The following ZC3H12B variants were observed in gnomAD, a reference collection of about 807,000 sequenced individuals.
ZC3H12B encodes the protein probable ribonuclease ZC3H12B.
Under a neutral mutation model 43.9 loss-of-function variants are expected in ZC3H12B, and 7 were observed. That is an observed-to-expected ratio of 0.16 (90% CI 0.09 to 0.30). The LOEUF (loss-of-function observed/expected upper bound fraction) is 0.30. Among genes scored for constraint, ZC3H12B ranks in the 10% least tolerant of loss-of-function variants. The pLI is 1.00. For synonymous variants in ZC3H12B, 222 were observed against 241.7 expected, an observed-to-expected ratio of 0.92 and a Z score of 0.76; for missense variants, 475 against 670.2, an observed-to-expected ratio of 0.71 and a Z score of 3.22.
At chrX:65,338,445 T>C in the ZC3H12B span, among the ~76,000 whole-genome samples, 15 of 110,131 alleles carry the variant, frequency 1.4e-4, no homozygotes, top group Non-Finnish European at 2.3e-4. Flanking sequence ...CAAAGAAGAG[T>C]TGGTACCAAT....
At chrX:65,199,252 A>G in the ZC3H12B span, among the ~76,000 whole-genome samples, 2 of 107,119 alleles carry the variant, frequency 1.9e-5, no homozygotes, top group Admixed American at 2.1e-4. Context: ...CTTCTGCTTG[A>G]TCAGTTCTGC....
At chrX:65,391,241 C>G (rs951505490) in intron 2 of ZC3H12B, among the ~76,000 whole-genome samples, 1 of 111,984 alleles carries the variant, frequency 8.9e-6, no homozygotes, top group African/African-American at 3.2e-5. Flanking sequence ...TCTATTTATA[C>G]CTTATTTCCC....
chrX:65,287,062 G>T, the ZC3H12B span, among the ~76,000 whole-genome samples: 10 of 110,942 alleles, frequency 9.0e-5, no homozygotes, highest in Non-Finnish European at 1.5e-4. Flanking sequence ...GATCTAGAGA[G>T]ATTAACTGCA....
At chrX:65,088,304 A>G in the ZC3H12B span, among the ~76,000 whole-genome samples, 2 of 111,332 alleles carry the variant, frequency 1.8e-5, no homozygotes, top group African/African-American at 6.5e-5. Context: ...GCTTTTGCAA[A>G]CTACGCAGAC....
At chrX:65,366,904 A>G (rs1265741884) in intron 1 of ZC3H12B, 138 bp downstream of exon 3, 1 of 112,685 alleles carries the variant, frequency 8.9e-6, no homozygotes, top group Non-Finnish European at 1.9e-5. Context: ...GCTACTATTC[A>G]GTGATGAGTA....
chrX:65,327,978 A>AT, the ZC3H12B span: 1 of 202,783 alleles, frequency 4.9e-6, no homozygotes, highest in Admixed American at 5.0e-5. Flanking sequence ...TAACTGAGTG[A>AT]TAGTGCCTCT....
At chrX:65,051,800 G>A in the ZC3H12B span, among the ~76,000 whole-genome samples, 4 of 110,257 alleles carry the variant, frequency 3.6e-5, no homozygotes, top group African/African-American at 1.3e-4. Context: ...ACTTTGGCAG[G>A]CAGGGGATAG....
intron 3 of ZC3H12B, among the ~76,000 whole-genome samples, chrX:65,448,750 G>A (rs764778251): frequency 3.7e-5 from 4 of 107,988 alleles, no homozygotes; most frequent in South Asian, 8.2e-4. Context: ...CCAGGAGGTG[G>A]AGGTTGCAGT....
At chrX:65,378,941 T>G (rs917960730) in intron 2 of ZC3H12B, among the ~76,000 whole-genome samples, 1 of 112,580 alleles carries the variant, frequency 8.9e-6, no homozygotes, top group Non-Finnish European at 1.9e-5. Context: ...ATCCCCCACA[T>G]GGTTCAGAGG....
At chrX:65,224,096 A>G in the ZC3H12B span, among the ~76,000 whole-genome samples, 6 of 112,825 alleles carry the variant, frequency 5.3e-5, no homozygotes, top group Non-Finnish European at 7.5e-5. Context: ...TGTGGTATTT[A>G]TATACAATGG....
At chrX:65,102,600 A>G in the ZC3H12B span, among the ~76,000 whole-genome samples, 1 of 112,066 alleles carries the variant, frequency 8.9e-6, no homozygotes, top group Non-Finnish European at 1.9e-5. Flanking sequence ...TAATAGACAA[A>G]CAGAGAGCTA....
chrX:65,502,236 T>G lies in ZC3H12B; in HGVS notation c.1538T>G (p.Met513Arg), dbSNP rs765125542. The change falls in exon 5 of 5, where the codon ATG (methionine) becomes AGG (arginine). Residue 513 changes from methionine (M) to arginine (R), a missense_variant. By Grantham distance (91) the Met-to-Arg change is moderately conservative (BLOSUM62 -1). This residue lies in a region of ZC3H12B where 289 missense variants were observed against 359.9 expected (regional missense o/e 0.80). Coordinates refer to ENST00000338957, the Ensembl canonical transcript of ZC3H12B. ...GCCTCTTTGGAGCATATGGCCAGCA[T>G]GCAGTATCCTCCCATCTTGGTTACC... is the stretch of plus-strand genomic sequence containing the variant. 17 of 1,211,619 alleles carry G rather than the reference T, an allele frequency of 1.4e-5. 1 individual carries two copies. The South Asian group carries it at 2.6e-4, about 19-fold the overall frequency.
At chrX:65,389,204 C>G (rs2066575479) in intron 2 of ZC3H12B, among the ~76,000 whole-genome samples, 1 of 112,270 alleles carries the variant, frequency 8.9e-6, no homozygotes, top group Admixed American at 9.4e-5. Flanking sequence ...ATTCTGCTGC[C>G]TTTTGTTTGG....
At chrX:65,102,497 G>A in the ZC3H12B span, among the ~76,000 whole-genome samples, 1 of 111,908 alleles carries the variant, frequency 8.9e-6, no homozygotes, top group African/African-American at 3.2e-5. Flanking sequence ...TGTCGTCTCA[G>A]CCCAAATACT....
chrX:65,428,323 G>A (rs2067109279), intron 3 of ZC3H12B, among the ~76,000 whole-genome samples: 2 of 112,219 alleles, frequency 1.8e-5, no homozygotes, highest in African/African-American at 3.2e-5. Flanking sequence ...CTAGATAGGG[G>A]AAGTTTTCCT....
At chrX:65,503,100 A>G in exon 5 of ZC3H12B, 1 of 1,211,529 alleles carries the variant, frequency 8.3e-7, no homozygotes, top group Non-Finnish European at 1.1e-6. Context: ...AACCTCTGCA[A>G]TATTTTCCCT....
chrX:65,156,787 C>A, the ZC3H12B span, among the ~76,000 whole-genome samples: 1 of 111,084 alleles, frequency 9.0e-6, no homozygotes, highest in Admixed American at 9.6e-5. Context: ...GAATGTTGAG[C>A]TCTTAGGCAT....
chrX:65,326,325 A>G, the ZC3H12B span, among the ~76,000 whole-genome samples: 1 of 111,708 alleles, frequency 9.0e-6, no homozygotes, highest in Non-Finnish European at 1.9e-5. Context: ...GTAGAAAGAA[A>G]ACAAACAATT....
chrX:65,206,645 A>C, the ZC3H12B span, among the ~76,000 whole-genome samples: 4 of 90,238 alleles, frequency 4.4e-5, no homozygotes, highest in Non-Finnish European at 7.5e-5. Flanking sequence ...ACACAACAAA[A>C]ATAAAATAAA....
Sources: allele counts gnomAD v4.1 joint callset (sites outside exome capture counted in the v4.1 genomes callset), GRCh38; gene constraint gnomAD v4.1.1; regional missense constraint gnomAD v4.1.1; transcripts MANE v1.5; gene names NCBI Gene and HGNC (gene_info 2026-07-23, HGNC 2026-07-21).